The following CLVS1 variants were observed in gnomAD, a reference collection of about 807,000 sequenced individuals.
CLVS1 encodes clavesin-1.
CLVS1 carries 10 observed loss-of-function variants against 33.1 expected under a neutral mutation model. That is an observed-to-expected ratio of 0.30 (90% CI 0.19 to 0.51). The LOEUF is 0.51. Among genes scored for constraint, CLVS1 ranks in the 20% least tolerant of loss-of-function variants. The probability of loss-of-function intolerance (pLI) is 0.97; values close to 1 mark genes in which losing one functional copy is unlikely to be tolerated. For synonymous variants in CLVS1, 163 were observed against 166.1 expected (o/e 0.98, Z 0.14); for missense variants, 343 against 433.4 (o/e 0.79, Z 1.85).
At chr8:61,343,484 A>T (rs1432876248) in intron 2 of CLVS1, among the ~76,000 whole-genome samples, 2 of 152,182 alleles carry the variant, frequency 1.3e-5, no homozygotes, top group African/African-American at 4.8e-5. Flanking sequence ...AGTTCCCAGG[A>T]ATTTTCAGGA....
intron 2 of CLVS1, among the ~76,000 whole-genome samples, chr8:61,262,018 GTGTGTGTA>G (rs1359712051): frequency 6.8e-6 from 1 of 146,918 alleles, no homozygotes; most frequent in Non-Finnish European, 1.5e-5. Context: ...GTGTGTGTGT[GTGTGTGTA>G]TTTTTTGGAG....
intron 1 of CLVS1, among the ~76,000 whole-genome samples, chr8:61,112,441 A>G (rs927237708): frequency 6.6e-5 from 10 of 152,232 alleles, no homozygotes; most frequent in Admixed American, 6.5e-4. Context: ...AAGATTTTGT[A>G]TCAGAGCTCT....
chr8:61,386,839 T>A (rs976370713), intron 3 of CLVS1, among the ~76,000 whole-genome samples: 1 of 151,722 alleles, frequency 6.6e-6, no homozygotes, highest in African/African-American at 2.4e-5. Flanking sequence ...AAACATTATC[T>A]TATTTGATCC....
At chr8:61,204,602 A>C (rs1034261291) in intron 2 of CLVS1, among the ~76,000 whole-genome samples, 1 of 152,242 alleles carries the variant, frequency 6.6e-6, no homozygotes, top group East Asian at 1.9e-4. Context: ...GACATTAAGT[A>C]CATTATTTCC....
intron 2 of CLVS1, among the ~76,000 whole-genome samples, chr8:61,141,477 A>ATG: frequency 6.6e-6 from 1 of 151,354 alleles, no homozygotes; most frequent in African/African-American, 2.4e-5. Flanking sequence ...ATATTGGCTT[A>ATG]TGTATATATA....
chr8:61,325,695 A>C (rs952518968), intron 2 of CLVS1, among the ~76,000 whole-genome samples: 2 of 152,160 alleles, frequency 1.3e-5, no homozygotes, highest in Non-Finnish European at 2.9e-5. Flanking sequence ...AGTTTTAACA[A>C]AGTCCAGCAA....
At chr8:61,185,485 A>T (rs1563435916) in intron 2 of CLVS1, among the ~76,000 whole-genome samples, 1 of 152,094 alleles carries the variant, frequency 6.6e-6, no homozygotes, top group Non-Finnish European at 1.5e-5. Flanking sequence ...ATACTGTATC[A>T]CGTCTTACAA....
At chr8:61,061,492 C>T (rs553022880) in intron 1 of CLVS1, among the ~76,000 whole-genome samples, 21 of 152,132 alleles carry the variant, frequency 1.4e-4, no homozygotes, top group African/African-American at 2.2e-4. Context: ...CCTCTGTTTC[C>T]GGCTCCTCCC....
At chr8:61,084,632 C>T (rs1805084499) in intron 1 of CLVS1, among the ~76,000 whole-genome samples, 1 of 152,294 alleles carries the variant, frequency 6.6e-6, no homozygotes, top group East Asian at 1.9e-4. Context: ...GTGGAAAGAG[C>T]TGTAAGCTAC....
At chr8:61,420,167 C>A (rs1815598203) in intron 3 of CLVS1, among the ~76,000 whole-genome samples, 1 of 152,108 alleles carries the variant, frequency 6.6e-6, no homozygotes, top group African/African-American at 2.4e-5. Flanking sequence ...GGTTAGTTAA[C>A]CTCTCTGTGA....
chr8:61,100,426 A>G (rs1805427778), intron 1 of CLVS1, among the ~76,000 whole-genome samples: 1 of 152,190 alleles, frequency 6.6e-6, no homozygotes, highest in Admixed American at 6.5e-5. Flanking sequence ...CATTTTTTGG[A>G]TACTCTTTGA....
intron 2 of CLVS1, among the ~76,000 whole-genome samples, chr8:61,347,939 T>C (rs1812294155): frequency 6.6e-6 from 1 of 151,580 alleles, no homozygotes. Flanking sequence ...CATTAACATA[T>C]GCATTGCCTC....
At chr8:61,224,191 G>A (rs983533583) in intron 2 of CLVS1, among the ~76,000 whole-genome samples, 6 of 151,808 alleles carry the variant, frequency 4.0e-5, no homozygotes, top group South Asian at 2.1e-4. Context: ...CTCCTCCTCC[G>A]TCCAGTTCTG....
the CLVS1 span, among the ~76,000 whole-genome samples, chr8:61,010,468 G>C: frequency 1.3e-5 from 2 of 152,200 alleles, no homozygotes; most frequent in African/African-American, 4.8e-5. Context: ...TTGTTTATCT[G>C]AAATTCAAAT....
chr8:61,343,707 C>T (rs767795858), intron 2 of CLVS1, among the ~76,000 whole-genome samples: 1 of 152,234 alleles, frequency 6.6e-6, no homozygotes, highest in Middle Eastern at 3.4e-3. Flanking sequence ...TGCTGAATAT[C>T]GAAGTTCTCA....
chr8:61,081,128 A>G (rs1418955251), intron 1 of CLVS1, among the ~76,000 whole-genome samples: 3 of 152,158 alleles, frequency 2.0e-5, no homozygotes, highest in Non-Finnish European at 2.9e-5. Context: ...AAGAATTGGG[A>G]AGACACTGAA....
intron 5 of CLVS1, among the ~76,000 whole-genome samples, chr8:61,499,089 C>T (rs574463192): frequency 5.1e-4 from 77 of 152,006 alleles, no homozygotes; most frequent in South Asian, 1.2e-3. Flanking sequence ...GCTTTTTTGC[C>T]GTAAAAATGT....
intron 2 of CLVS1, among the ~76,000 whole-genome samples, chr8:61,253,672 G>C (rs980311153): frequency 4.6e-5 from 7 of 151,918 alleles, no homozygotes; most frequent in African/African-American, 1.5e-4. Context: ...TAATTCATTT[G>C]ATCTTCCATC....
chr8:61,209,191 A>G (rs1410790716), intron 2 of CLVS1, among the ~76,000 whole-genome samples: 1 of 152,222 alleles, frequency 6.6e-6, no homozygotes, highest in Non-Finnish European at 1.5e-5. Context: ...GGAAGATGCA[A>G]AATGAATAGA....
Sources: allele counts gnomAD v4.1 joint callset (sites outside exome capture counted in the v4.1 genomes callset), GRCh38; gene constraint gnomAD v4.1.1; transcripts MANE v1.5; gene names NCBI Gene and HGNC (gene_info 2026-07-23, HGNC 2026-07-21).